The following PLCG2 variants were observed in gnomAD, a reference collection of about 807,000 sequenced individuals.
The protein encoded by PLCG2 is 1-phosphatidylinositol 4,5-bisphosphate phosphodiesterase gamma-2.
In PLCG2, 69 loss-of-function variants were observed where a neutral mutation model predicts 175.6. The ratio of observed to expected loss-of-function variants is 0.39; its 90% CI spans 0.32 to 0.48. PLCG2 has a LOEUF of 0.48. Among genes scored for constraint, PLCG2 ranks in the 20% least tolerant of loss-of-function variants. The pLI, the probability that PLCG2 is intolerant of heterozygous loss-of-function variation, is 0.91. For synonymous variants in PLCG2, 827 were observed against 624.0 expected (o/e 1.33, Z -4.85); for missense variants, 1,798 against 1,650.9 (o/e 1.09, Z -1.54).
chr16:81,955,490 C>A (rs550795117), intron 31 of PLCG2, among the ~76,000 whole-genome samples: 1 of 152,332 alleles, frequency 6.6e-6, no homozygotes, highest in South Asian at 2.1e-4. Flanking sequence ...AACCCAAACT[C>A]CCTACCCTGA....
intron 13 of PLCG2, among the ~76,000 whole-genome samples, chr16:81,897,718 G>A (rs953152298): frequency 6.6e-6 from 1 of 151,770 alleles, no homozygotes; most frequent in Non-Finnish European, 1.5e-5. Context: ...GCTAATTTGT[G>A]TATTTTGGTA....
At chr16:81,797,447 C>T (rs1283352387) in intron 2 of PLCG2, among the ~76,000 whole-genome samples, 1 of 152,134 alleles carries the variant, frequency 6.6e-6, no homozygotes, top group Admixed American at 6.5e-5. Flanking sequence ...GTTGACTTTT[C>T]CTGCTTTCAT....
At chr16:81,825,742 C>G (rs999473573) in intron 2 of PLCG2, among the ~76,000 whole-genome samples, 2 of 152,210 alleles carry the variant, frequency 1.3e-5, no homozygotes, top group African/African-American at 2.4e-5. Flanking sequence ...CCTGAGATCC[C>G]TTTCCTTGAC....
At position 81,934,527 on chromosome 16, in the gene PLCG2, C is replaced by T; in HGVS notation, c.2838C>T (p.Asn946=). The change falls in exon 26 of 33, where the codon AAC becomes AAT. Residue 946 remains asparagine (N), a synonymous_variant. Coordinates refer to ENST00000564138, the MANE Select transcript of PLCG2 (RefSeq NM_002661.5). ...AACCAACCAGCAAAACCAAGGACAA[C>T]TTAGGTAACATCTTTCCCAAGAACA... ...YCKPTSKTKD[N]LENPDFREIR... The T allele has an allele frequency of 6.3e-7, 1 of 1,590,744 alleles. No homozygotes were observed. Among genetic ancestry groups the T allele is most frequent in the Non-Finnish European group, 8.6e-7 (1 of 1,158,796 alleles).
At chr16:81,745,144 C>G (rs1009828150) in intron 1 of PLCG2, among the ~76,000 whole-genome samples, 23 of 152,194 alleles carry the variant, frequency 1.5e-4, no homozygotes, top group African/African-American at 5.5e-4. Context: ...CACTGCAGGG[C>G]TGAACTAGAA....
chr16:81,836,346 C>T (rs1299432294), intron 2 of PLCG2, among the ~76,000 whole-genome samples: 2 of 152,168 alleles, frequency 1.3e-5, no homozygotes, highest in Non-Finnish European at 2.9e-5. Context: ...GCCATGGACT[C>T]GTATTCCCAC....
intron 2 of PLCG2, among the ~76,000 whole-genome samples, chr16:81,802,356 C>G (rs1911768349): frequency 6.6e-6 from 1 of 151,834 alleles, no homozygotes; most frequent in South Asian, 2.1e-4. Flanking sequence ...TCGTGATCCA[C>G]CCGCCTCGGC....
chr16:81,832,085 T>A (rs1306162649), intron 2 of PLCG2, among the ~76,000 whole-genome samples: 2 of 143,088 alleles, frequency 1.4e-5, no homozygotes, highest in East Asian at 4.4e-4. Context: ...CCGGCCTCAG[T>A]CTTCTCCTTT....
intron 1 of PLCG2, among the ~76,000 whole-genome samples, chr16:81,753,118 C>T (rs1469566255): frequency 6.6e-6 from 1 of 152,198 alleles, no homozygotes; most frequent in Non-Finnish European, 1.5e-5. Context: ...AGTGGCAGCT[C>T]AGCTCTGCTC....
intron 2 of PLCG2, among the ~76,000 whole-genome samples, chr16:81,793,155 G>A (rs1911314617): frequency 6.6e-6 from 1 of 152,212 alleles, no homozygotes; most frequent in African/African-American, 2.4e-5. Flanking sequence ...TGGCCTCCAG[G>A]TTCCCTATTG....
At position 81,925,581 on chromosome 16, in the gene PLCG2, G is replaced by C. The variant is rs534499570; in HGVS notation, c.2418-1501G>C. On this transcript the variant is annotated intron_variant, in intron 22 of 32. Transcript: ENST00000564138. Reference sequence around the variant, plus strand: ...GTTCTTCCCACCACCACGGAGCACAGACTTGATTAAGATCCAGAAAGGTCA... The same window carrying C: ...GTTCTTCCCACCACCACGGAGCACACACTTGATTAAGATCCAGAAAGGTCA... 3.9e-5 allele frequency among the ~76,000 whole-genome samples: 6 copies of C among 152,304 alleles called. No individual in the cohort carries two copies. In the East Asian group the frequency reaches 1.2e-3, roughly 29 times the overall value.
chr16:81,832,106 G>C (rs915709535), intron 2 of PLCG2, among the ~76,000 whole-genome samples: 3 of 62,026 alleles, frequency 4.8e-5, no homozygotes, highest in Admixed American at 1.9e-4. Context: ...GATAAATGGA[G>C]GGGGGGAATA....
At chr16:81,793,560 A>C (rs1954745518) in intron 2 of PLCG2, among the ~76,000 whole-genome samples, 1 of 152,122 alleles carries the variant, frequency 6.6e-6, no homozygotes, top group African/African-American at 2.4e-5. Context: ...TTGCTTAGGC[A>C]TATCTTCTCT....
Position 81,937,863 on chromosome 16 carries a change from C to G in PLCG2, c.3158C>G (p.Pro1053Arg). 6 of 1,614,098 alleles carry G rather than the reference C, an allele frequency of 3.7e-6. No individual in the cohort carries two copies. Among genetic ancestry groups the G allele is most frequent in the Non-Finnish European group, 5.1e-6 (6 of 1,179,960 alleles). The change falls in exon 28 of 33, where the codon CCC becomes CGC. Residue 1053 changes from proline (P) to arginine (R), a missense_variant. Transcript: ENST00000564138. ...ACAGAGAAATATGACCCGATGCCAC[C>G]CGAGTCCCAGAGGAAGATCCTGATG... is the stretch of plus-strand genomic sequence containing the variant. Reference protein sequence around the residue: ...MRTEKYDPMPPESQRKILMTL... With the variant: ...MRTEKYDPMPRESQRKILMTL...
chr16:81,885,882 G>C (rs1908336213), intron 9 of PLCG2, among the ~76,000 whole-genome samples: 1 of 152,120 alleles, frequency 6.6e-6, no homozygotes, highest in South Asian at 2.1e-4. Context: ...CTAGTGCCGG[G>C]GTTGAATGAT....
intron 7 of PLCG2, 105 bp from the exon 8 acceptor site, chr16:81,880,805 G>C (rs923756459): frequency 3.1e-6 from 3 of 953,804 alleles, no homozygotes; most frequent in Non-Finnish European, 3.4e-6. Flanking sequence ...TAATGATCTT[G>C]TTGCATCTGA....
upstream of PLCG2, among the ~76,000 whole-genome samples, chr16:81,774,773 CT>C (rs1910363928): frequency 6.6e-6 from 1 of 151,116 alleles, no homozygotes; most frequent in Non-Finnish European, 1.5e-5. Context: ...GGGTCTTACT[CT>C]GTTGCCCAGG....
At chr16:81,887,663 C>T (rs1391395970) in intron 9 of PLCG2, among the ~76,000 whole-genome samples, 4 of 152,218 alleles carry the variant, frequency 2.6e-5, no homozygotes, top group Non-Finnish European at 5.9e-5. Flanking sequence ...TCGGACATTG[C>T]ATCCAGCCCT....
chr16:81,813,256 T>G (rs1346143658), intron 2 of PLCG2, among the ~76,000 whole-genome samples: 2 of 152,242 alleles, frequency 1.3e-5, no homozygotes, highest in Non-Finnish European at 2.9e-5. Context: ...ATAAATTACT[T>G]TGGGCAGTAT....
Sources: gnomAD v4.1 joint callset for allele counts (sites outside exome capture counted in the v4.1 genomes callset) on GRCh38, gnomAD v4.1.1 for gene constraint, MANE v1.5 for transcripts, NCBI Gene and HGNC (gene_info 2026-07-23, HGNC 2026-07-21) for gene names.